The following GALNT16 variants were observed in gnomAD, a reference collection of about 807,000 sequenced individuals.
GALNT16 encodes the protein polypeptide N-acetylgalactosaminyltransferase 16, also known as UDP-GalNAc:polypeptide N-acetylgalactosaminyltransferase-like protein 1.
In GALNT16, 40 loss-of-function variants were observed where a neutral mutation model predicts 76.1. The observed-to-expected ratio is 0.53, with a 90% CI of 0.41 to 0.68. The LOEUF is 0.68. Among genes scored for constraint, GALNT16 ranks in the 30% least tolerant of loss-of-function variants. The pLI, the probability that GALNT16 is intolerant of heterozygous loss-of-function variation, is 0.00. For synonymous variants in GALNT16, 276 were observed against 285.2 expected (o/e 0.97, Z 0.32); for missense variants, 621 against 731.9 (o/e 0.85, Z 1.75).
At chr14:69,293,624 T>C (rs1234427253) in intron 1 of GALNT16, among the ~76,000 whole-genome samples, 1 of 152,226 alleles carries the variant, frequency 6.6e-6, no homozygotes, top group African/African-American at 2.4e-5. Flanking sequence ...GGCTACTGCT[T>C]GCCCTACTGC....
intron 12 of GALNT16, among the ~76,000 whole-genome samples, chr14:69,342,408 G>C (rs1272166010): frequency 6.9e-6 from 1 of 144,180 alleles, no homozygotes; most frequent in Non-Finnish European, 1.5e-5. Flanking sequence ...CTAAGTGTTA[G>C]GGTGAGGAAG....
At chr14:69,317,411 G>A (rs569017467) in intron 1 of GALNT16, among the ~76,000 whole-genome samples, 6 of 152,330 alleles carry the variant, frequency 3.9e-5, no homozygotes, top group Middle Eastern at 6.8e-3. Context: ...TGGGGTTGGC[G>A]GTTTCTTCTT....
intron 1 of GALNT16, among the ~76,000 whole-genome samples, chr14:69,311,019 AG>A (rs1364174876): frequency 1.3e-5 from 2 of 152,184 alleles, no homozygotes; most frequent in Non-Finnish European, 1.5e-5. Flanking sequence ...GAGGCAGTCC[AG>A]GGGCATGGTC....
intron 1 of GALNT16, among the ~76,000 whole-genome samples, chr14:69,292,950 A>G (rs890949843): frequency 2.6e-5 from 4 of 152,270 alleles, no homozygotes; most frequent in African/African-American, 9.6e-5. Context: ...TGAGAAATGC[A>G]TCTGTGGTGA....
At chr14:69,294,212 C>G (rs776448680) in intron 1 of GALNT16, among the ~76,000 whole-genome samples, 2 of 152,216 alleles carry the variant, frequency 1.3e-5, no homozygotes, top group East Asian at 1.9e-4. Context: ...ACCTCCACCC[C>G]CTGGGTTCAA....
intron 1 of GALNT16, among the ~76,000 whole-genome samples, chr14:69,296,150 A>G (rs1343067816): frequency 6.6e-6 from 1 of 152,208 alleles, no homozygotes; most frequent in East Asian, 1.9e-4. Flanking sequence ...GAGCCACTTC[A>G]CATGGCCAGT....
intron 2 of GALNT16, among the ~76,000 whole-genome samples, chr14:69,322,678 G>A (rs1162323723): frequency 1.3e-5 from 2 of 152,084 alleles, no homozygotes; most frequent in African/African-American, 4.8e-5. Context: ...GATCATTTGA[G>A]GTCAGGAGTT....
At chr14:69,309,645 T>G (rs1431029157) in intron 1 of GALNT16, among the ~76,000 whole-genome samples, 1 of 152,200 alleles carries the variant, frequency 6.6e-6, no homozygotes, top group African/African-American at 2.4e-5. Context: ...CTTCATATCC[T>G]TTAAGCTTAT....
intron 1 of GALNT16, among the ~76,000 whole-genome samples, chr14:69,277,293 T>C (rs939464828): frequency 2.0e-5 from 3 of 152,232 alleles, no homozygotes; most frequent in African/African-American, 7.2e-5. Context: ...CACATATGTA[T>C]ACATGTGCCA....
chr14:69,341,825 G>C, intron 12 of GALNT16, 61 bp downstream of exon 12: 1 of 1,098,690 alleles, frequency 9.1e-7, no homozygotes, highest in Non-Finnish European at 1.4e-6. Context: ...GGGGCCAGCG[G>C]CTTTGGTCCC....
At chr14:69,270,712 T>C (rs2044396989) in intron 1 of GALNT16, among the ~76,000 whole-genome samples, 1 of 152,220 alleles carries the variant, frequency 6.6e-6, no homozygotes, top group African/African-American at 2.4e-5. Context: ...TGTGACCTGA[T>C]TATTTCCTTG....
chr14:69,333,537 T>C lies in GALNT16; in HGVS notation c.904T>C (p.Ser302Pro). ...IAGGIFVIDKSWFNHLGKYDA... is the reference protein window; with the variant it reads ...IAGGIFVIDKPWFNHLGKYDA... ...TGGAGGAATCTTCGTGATCGACAAGTCCTGGTTTAACCACTTGGGAAAGTA... is the reference window on the plus strand; with the variant it reads ...TGGAGGAATCTTCGTGATCGACAAGCCCTGGTTTAACCACTTGGGAAAGTA... The change falls in exon 9 of 15, where the codon TCC (serine) becomes CCC (proline). Residue 302 changes from serine (S) to proline (P), a missense_variant. Transcript: ENST00000448469. This position sits in a 1 kb window ranked among gnomAD's most constrained non-coding sequence, Gnocchi z 4.2. The C allele has an allele frequency of 6.2e-6, 10 of 1,611,400 alleles. No individual in the cohort carries two copies. The highest frequency in any genetic ancestry group is 8.5e-6 in the Non-Finnish European group (10 of 1,178,744).
At chr14:69,280,363 G>A (rs1742903035) in intron 1 of GALNT16, among the ~76,000 whole-genome samples, 1 of 152,156 alleles carries the variant, frequency 6.6e-6, no homozygotes, top group African/African-American at 2.4e-5. Context: ...TGTAGCATGT[G>A]TCAGAATTTC....
intron 12 of GALNT16, among the ~76,000 whole-genome samples, chr14:69,342,486 G>C (rs144102394): frequency 0.12 from 5,403 of 44,096 alleles, 485 homozygotes; most frequent in East Asian, 0.25. Context: ...GGGAGGGAGG[G>C]AGGGAGGGAG....
intron 1 of GALNT16, among the ~76,000 whole-genome samples, chr14:69,266,363 A>T (rs980926381): frequency 3.9e-5 from 6 of 152,212 alleles, no homozygotes; most frequent in African/African-American, 1.4e-4. Context: ...TAATGTTCAA[A>T]CCAATAAGGA....
At chr14:69,375,415 T>A in the GALNT16 span, among the ~76,000 whole-genome samples, 1 of 152,056 alleles carries the variant, frequency 6.6e-6, no homozygotes, top group Non-Finnish European at 1.5e-5. Flanking sequence ...TGACTGGGTC[T>A]AAATTTACCA....
intron 1 of GALNT16, among the ~76,000 whole-genome samples, chr14:69,289,104 T>C (rs7145258): frequency 0.14 from 21,838 of 152,124 alleles, 1,741 homozygotes; most frequent in Middle Eastern, 0.18. Context: ...TCTCAAACGC[T>C]TGGCCTGAAG....
chr14:69,262,619 T>C (rs922714108), intron 1 of GALNT16, among the ~76,000 whole-genome samples: 2 of 152,166 alleles, frequency 1.3e-5, no homozygotes, highest in Non-Finnish European at 2.9e-5. Flanking sequence ...TGGAAGTCCC[T>C]GGGAGTGGCA....
downstream of GALNT16, among the ~76,000 whole-genome samples, chr14:69,361,398 C>A (rs540017904): frequency 1.3e-5 from 2 of 152,300 alleles, no homozygotes; most frequent in South Asian, 4.1e-4. Context: ...CCAAGATTAC[C>A]CAGCTGGCAG....
Sources: gnomAD v4.1 joint callset for allele counts (sites outside exome capture counted in the v4.1 genomes callset) on GRCh38, gnomAD v4.1.1 for gene constraint, Gnocchi (gnomAD v3.1) non-coding constraint, MANE v1.5 for transcripts, NCBI Gene and HGNC (gene_info 2026-07-23, HGNC 2026-07-21) for gene names.